The following ABCB1 variants were observed in gnomAD, a reference collection of about 807,000 sequenced individuals.
ABCB1 encodes the protein ATP-dependent translocase ABCB1.
Under a neutral mutation model 142.0 loss-of-function variants are expected in ABCB1, and 69 were observed. The observed-to-expected ratio is 0.49, with a 90% confidence interval of 0.40 to 0.59. ABCB1 has a LOEUF of 0.59. Among genes scored for constraint, ABCB1 ranks in the 20% least tolerant of loss-of-function variants. ABCB1 has a pLI of 0.00. For synonymous variants in ABCB1, 532 were observed against 539.2 expected, an observed-to-expected ratio of 0.99 and a Z score of 0.18; for missense variants, 1,326 against 1,554.7, an observed-to-expected ratio of 0.85 and a Z score of 2.47.
intron 1 of ABCB1, among the ~76,000 whole-genome samples, chr7:87,712,328 A>G (rs1479999461): frequency 1.3e-5 from 2 of 152,134 alleles, no homozygotes; most frequent in East Asian, 3.8e-4. Context: ...ATAAAATGAA[A>G]CATTTATCAT....
rs149807769 is a variant in ABCB1 at position 87,594,212 on chromosome 7, C to A, written c.117+1554G>T. On this transcript the variant is annotated intron_variant, in intron 3 of 27. Transcript: ENST00000622132. ...TTAGAATATATTCTCTCTATCCTGG[C>A]CCCATTGTACATCCTCAGACAAGTG... 4.9e-3 allele frequency among the ~76,000 whole-genome samples: 742 copies of A among 152,182 alleles called. 3 individuals are homozygous for A. The highest frequency in any genetic ancestry group is 0.017 in the African/African-American group (703 of 41,502).
chr7:87,505,382 AC>A (rs1254051145), intron 27 of ABCB1, among the ~76,000 whole-genome samples: 47 of 152,318 alleles, frequency 3.1e-4, no homozygotes, highest in African/African-American at 1.0e-3. Context: ...ATCCTTGAAA[AC>A]AGACCTCAAA....
chr7:87,540,996 C>T (rs1242549034), intron 18 of ABCB1, among the ~76,000 whole-genome samples: 9 of 152,234 alleles, frequency 5.9e-5, no homozygotes, highest in East Asian at 3.9e-4. Flanking sequence ...TTTTAGAACA[C>T]GGGAAGACAT....
Position 87,660,991 on chromosome 7 carries a change from C to T in ABCB1, c.-331+52170G>A, listed in dbSNP as rs528010713. Among the ~76,000 whole-genome samples the T allele has an allele frequency of 6.0e-4, 91 of 151,948 alleles. 1 individual carries two copies. Among genetic ancestry groups the T allele is most frequent in the African/African-American group, 2.2e-3 (90 of 41,492 alleles). On this transcript the variant is annotated intron_variant, in intron 1 of 28. Coordinates refer to the ABCB1 transcript ENST00000265724. ...AGTTTATAGTTACTTTAATAAATGT[C>T]CCATCTTGAGAAGAAGATGTATTCT...
At position 87,645,687 on chromosome 7, in the gene ABCB1, A is replaced by G. The variant is rs143007812; in HGVS notation, c.-330-44609T>C. 1.7e-3 allele frequency among the ~76,000 whole-genome samples: 265 copies of G among 152,308 alleles called. 1 individual carries two copies. Among genetic ancestry groups the G allele is most frequent in the African/African-American group, 6.0e-3 (248 of 41,572 alleles). On this transcript the variant is annotated intron_variant, in intron 1 of 28. Transcript: ENST00000265724. ...GCTCAGCATCTGTGTGATATTTCTT[A>G]GATATATTAAAATTCTTTCTACAGG... is the stretch of plus-strand genomic sequence containing the variant.
chr7:87,607,522 T>C (rs1430290425), intron 1 of ABCB1, among the ~76,000 whole-genome samples: 2 of 152,128 alleles, frequency 1.3e-5, no homozygotes, highest in Non-Finnish European at 2.9e-5. Flanking sequence ...GGGGAATTAT[T>C]TTTTTCTTTG....
chr7:87,615,222 A>G (rs191261771), intron 1 of ABCB1, among the ~76,000 whole-genome samples: 1 of 152,272 alleles, frequency 6.6e-6, no homozygotes, highest in East Asian at 1.9e-4. Context: ...TATCTTGTCC[A>G]CTTCTATAAT....
Position 87,566,222 on chromosome 7 carries a change from C to A in ABCB1, c.550G>T (p.Glu184Ter). The change falls in exon 7 of 28, where the codon GAA becomes TAA. Residue 184 changes from glutamate (E) to a stop codon, truncating the protein, a stop_gained. Transcript: ENST00000622132. LOFTEE classifies it high-confidence loss of function. ...ATTCCAATTTTGTCACCAATTCCTT[C>A]ATTAATCTTGGAGACATCACTGAAA... is the stretch of plus-strand genomic sequence containing the variant. ...RLTDDVSKIN[E>*]GIGDKIGMFF... 1.9e-6 allele frequency: 3 copies of A among 1,614,028 alleles called. No homozygotes were observed. The highest frequency in any genetic ancestry group is 2.5e-6 in the Non-Finnish European group (3 of 1,179,898).
At chr7:87,617,909 C>T (rs915880779) in intron 1 of ABCB1, among the ~76,000 whole-genome samples, 1 of 152,206 alleles carries the variant, frequency 6.6e-6, no homozygotes, top group African/African-American at 2.4e-5. Context: ...GCCATACTCT[C>T]CTGATCCTCC....
At chr7:87,542,892 A>G (rs1367008161) in intron 17 of ABCB1, among the ~76,000 whole-genome samples, 2 of 152,192 alleles carry the variant, frequency 1.3e-5, no homozygotes, top group Non-Finnish European at 2.9e-5. Flanking sequence ...TAAAATATTT[A>G]CCATCTTACT....
At chr7:87,615,866 G>C (rs1820017879) in intron 1 of ABCB1, among the ~76,000 whole-genome samples, 1 of 152,172 alleles carries the variant, frequency 6.6e-6, no homozygotes. Flanking sequence ...AATGATTTTT[G>C]AACACAAACT....
intron 13 of ABCB1, 93 bp from the exon 14 acceptor site, chr7:87,549,611 C>T: frequency 2.5e-6 from 4 of 1,575,440 alleles, no homozygotes; most frequent in Non-Finnish European, 1.7e-6. Flanking sequence ...CAGCCCAAGT[C>T]TCACAAGTAA....
chr7:87,641,138 T>C (rs1032601218), intron 1 of ABCB1, among the ~76,000 whole-genome samples: 1 of 152,220 alleles, frequency 6.6e-6, no homozygotes, highest in African/African-American at 2.4e-5. Flanking sequence ...TTTAATACTT[T>C]TGTTGTTCTT....
At chr7:87,695,070 G>A (rs7796247) in intron 1 of ABCB1, among the ~76,000 whole-genome samples, 7,350 of 152,114 alleles carry the variant, frequency 0.048, 264 homozygotes, top group East Asian at 0.09. Flanking sequence ...CCTGTAAGTA[G>A]CATGTAGAAC....
intron 1 of ABCB1, among the ~76,000 whole-genome samples, chr7:87,667,737 G>A (rs1825405983): frequency 1.3e-5 from 2 of 152,034 alleles, no homozygotes; most frequent in African/African-American, 2.4e-5. Context: ...TGTCTATTGA[G>A]ATAATCATAT....
At chr7:87,628,589 GT>G in intron 1 of ABCB1, 5 of 34,456 alleles carry the variant, frequency 1.5e-4, no homozygotes, top group Non-Finnish European at 1.0e-4. Flanking sequence ...GCGTGCGTGT[GT>G]GTGTGTGTGT....
At chr7:87,600,333 T>C in intron 1 of ABCB1, 143 bp from the exon 2 acceptor site, 1 of 725,118 alleles carries the variant, frequency 1.4e-6, no homozygotes, top group African/African-American at 1.7e-5. Flanking sequence ...CTGGCCGCGA[T>C]GGGCACTGCA....
chr7:87,575,162 T>G (rs1818220890), intron 4 of ABCB1, among the ~76,000 whole-genome samples: 1 of 152,144 alleles, frequency 6.6e-6, no homozygotes, highest in African/African-American at 2.4e-5. Context: ...TTTAGGGATT[T>G]TTTATTTGAC....
rs1816953818 is a variant in ABCB1, at chr7:87,549,525, C to T, written c.1555-7G>A. 6.2e-7 allele frequency: 1 copy of T among 1,614,210 alleles called. No individual in the cohort carries two copies. Among genetic ancestry groups the T allele is most frequent in the Non-Finnish European group, 8.5e-7 (1 of 1,180,036 alleles). ...CAACCAGGGTGTCAAATTTCTACCA[C>T]AGAAAACCCAGAATGATTTAGCATA... On this transcript the variant is annotated splice_polypyrimidine_tract_variant and splice_region_variant and intron_variant, in intron 13 of 27. Transcript: ENST00000622132.
Sources: allele counts gnomAD v4.1 joint callset (sites outside exome capture counted in the v4.1 genomes callset), GRCh38; gene constraint gnomAD v4.1.1; transcripts MANE v1.5; gene names NCBI Gene and HGNC (gene_info 2026-07-23, HGNC 2026-07-21).